VWA8: variants seen among roughly 807,000 people sequenced by gnomAD.
VWA8 encodes von Willebrand factor A domain containing 8, also known as von Willebrand factor A domain-containing protein 8.
Under a neutral mutation model 241.5 loss-of-function variants are expected in VWA8, and 221 were observed. That is an observed-to-expected ratio of 0.91 (90% CI 0.82 to 1.02). The LOEUF (loss-of-function observed/expected upper bound fraction) is 1.02, where lower values mean the gene tolerates loss of function less well. VWA8 is among the 50% of genes least tolerant of loss of function. The probability of loss-of-function intolerance (pLI) is 0.00; values close to 1 mark genes in which losing one functional copy is unlikely to be tolerated. For missense variants in VWA8, 2,322 were observed against 2,328.7 expected (o/e 1.00, Z 0.06); for synonymous variants, 852 against 827.1 (o/e 1.03, Z -0.52).
At position 41,866,089 on chromosome 13, in the gene VWA8, T is replaced by C. The variant is rs762072116; in HGVS notation, c.1213-53A>G. 45 of 1,594,020 alleles carry C rather than the reference T, an allele frequency of 2.8e-5. 2 individuals carry two copies. In the Middle Eastern group the frequency reaches 8.4e-4, roughly 30 times the overall value. On this transcript the variant is annotated intron_variant, in intron 10 of 44. Transcript: ENST00000379310. ...ATGGCCAGATGTGGTGGCTCACGCC[T>C]ATAATCCCAACACTTTGGGAGGCCA...
At chr13:41,750,791 T>C (rs1294250990) in intron 21 of VWA8, among the ~76,000 whole-genome samples, 1 of 151,976 alleles carries the variant, frequency 6.6e-6, no homozygotes, top group Non-Finnish European at 1.5e-5. Context: ...ACAAAGAAAG[T>C]GGTTTCTTGA....
intron 21 of VWA8, among the ~76,000 whole-genome samples, chr13:41,759,865 T>G (rs2045727096): frequency 6.6e-6 from 1 of 151,786 alleles, no homozygotes; most frequent in South Asian, 2.1e-4. Flanking sequence ...GTCAATTTAC[T>G]GTTGAATCAC....
At chr13:41,812,007 T>C (rs1870493625) in intron 16 of VWA8, among the ~76,000 whole-genome samples, 1 of 152,200 alleles carries the variant, frequency 6.6e-6, no homozygotes, top group South Asian at 2.1e-4. Flanking sequence ...TTATAGGCTT[T>C]TGAATCAGAT....
intron 16 of VWA8, among the ~76,000 whole-genome samples, chr13:41,814,436 G>A (rs1870601721): frequency 6.6e-6 from 1 of 151,926 alleles, no homozygotes; most frequent in Non-Finnish European, 1.5e-5. Flanking sequence ...CATTATCTAA[G>A]GCAGAGACAT....
intron 17 of VWA8, among the ~76,000 whole-genome samples, chr13:41,806,235 A>C (rs1870202869): frequency 6.6e-6 from 1 of 152,088 alleles, no homozygotes; most frequent in Non-Finnish European, 1.5e-5. Context: ...AAAACAGTAT[A>C]ATAAAAGAAA....
chr13:41,831,416 AT>A (rs1871447773), intron 13 of VWA8, among the ~76,000 whole-genome samples: 1 of 152,198 alleles, frequency 6.6e-6, no homozygotes, highest in South Asian at 2.1e-4. Flanking sequence ...CTCGTCTTCC[AT>A]AACGTTAAGG....
Position 41,640,048 on chromosome 13 carries a change from G to A in VWA8, c.4612-24964C>T, listed in dbSNP as rs17062455. On this transcript the variant is annotated intron_variant, in intron 37 of 44. Transcript: ENST00000379310. ...TATGTGGGTCACATCACTACTCTAC[G>A]ATTTCAAGAGAGCCCTATGTAGCCA... Among the ~76,000 whole-genome samples, 720 of 152,184 alleles carry A rather than the reference G, an allele frequency of 4.7e-3. 9 individuals carry two copies. The highest frequency in any genetic ancestry group is 0.016 in the African/African-American group (678 of 41,512).
chr13:41,948,937 C>T (rs1164175151), intron 2 of VWA8, among the ~76,000 whole-genome samples: 1 of 148,258 alleles, frequency 6.7e-6, no homozygotes, highest in African/African-American at 2.5e-5. Context: ...AATTAATGCT[C>T]TTCATGAGAA....
intron 10 of VWA8, among the ~76,000 whole-genome samples, chr13:41,866,751 T>C (rs1220815324): frequency 6.6e-6 from 1 of 152,194 alleles, no homozygotes; most frequent in Admixed American, 6.5e-5. Context: ...CAGAATTTAA[T>C]GTTAGTCCAC....
At chr13:41,959,025 C>A (rs748943859) in intron 1 of VWA8, among the ~76,000 whole-genome samples, 2 of 152,186 alleles carry the variant, frequency 1.3e-5, no homozygotes, top group Admixed American at 6.5e-5. Flanking sequence ...TCAATTCACT[C>A]GGCTAAATCT....
chr13:41,618,859 C>G (rs2044638785), intron 37 of VWA8, among the ~76,000 whole-genome samples: 1 of 152,198 alleles, frequency 6.6e-6, no homozygotes, highest in South Asian at 2.1e-4. Context: ...CAGTACCATG[C>G]TGTTTTGATT....
At chr13:41,734,036 C>T (rs767093775) in intron 21 of VWA8, among the ~76,000 whole-genome samples, 8 of 152,104 alleles carry the variant, frequency 5.3e-5, no homozygotes, top group East Asian at 1.9e-4. Flanking sequence ...AATTCTCTTA[C>T]GGGTAAGAAA....
intron 12 of VWA8, among the ~76,000 whole-genome samples, chr13:41,853,271 C>T (rs1336413800): frequency 6.6e-6 from 1 of 151,686 alleles, no homozygotes; most frequent in African/African-American, 2.4e-5. Flanking sequence ...TAGCTGTGGC[C>T]TTGTCATATA....
At chr13:41,596,208 A>G (rs976580651) in intron 40 of VWA8, among the ~76,000 whole-genome samples, 5 of 152,124 alleles carry the variant, frequency 3.3e-5, no homozygotes, top group African/African-American at 9.7e-5. Flanking sequence ...TAATAGTAGC[A>G]CTGTTCATTA....
intron 8 of VWA8, 118 bp downstream of exon 8, chr13:41,885,802 C>T (rs1459125491): frequency 7.1e-6 from 5 of 703,424 alleles, no homozygotes; most frequent in Non-Finnish European, 1.2e-5. Context: ...AATCTCAGGC[C>T]TTACAATATT....
At chr13:41,633,264 C>T (rs763115572) in intron 37 of VWA8, among the ~76,000 whole-genome samples, 5 of 152,122 alleles carry the variant, frequency 3.3e-5, no homozygotes, top group Non-Finnish European at 7.4e-5. Context: ...GATATATAAG[C>T]TGGTATGGAT....
At chr13:41,820,173 T>G (rs1870890747) in intron 14 of VWA8, among the ~76,000 whole-genome samples, 1 of 152,162 alleles carries the variant, frequency 6.6e-6, no homozygotes, top group Non-Finnish European at 1.5e-5. Flanking sequence ...TTTTTATCAA[T>G]TCTACTAAAA....
chr13:41,673,459 C>A (rs1033917651), intron 36 of VWA8, among the ~76,000 whole-genome samples: 1 of 152,048 alleles, frequency 6.6e-6, no homozygotes, highest in Non-Finnish European at 1.5e-5. Flanking sequence ...TCAGGACATA[C>A]TGACAATGAA....
chr13:41,671,746 C>CCA (rs2045026052), intron 36 of VWA8, among the ~76,000 whole-genome samples: 1 of 152,102 alleles, frequency 6.6e-6, no homozygotes, highest in Non-Finnish European at 1.5e-5. Context: ...CCTTCCCCCC[C>CCA]ATTCATGTTA....
Sources: allele counts gnomAD v4.1 joint callset (sites outside exome capture counted in the v4.1 genomes callset), GRCh38; gene constraint gnomAD v4.1.1; transcripts MANE v1.5; gene names NCBI Gene and HGNC (gene_info 2026-07-23, HGNC 2026-07-21).